Variants in KALRN observed in about 807,000 individuals in gnomAD.
KALRN encodes the protein kalirin RhoGEF kinase, also known as kalirin.
A neutral mutation model predicts 353.7 loss-of-function variants in KALRN; 70 were observed. The ratio of observed to expected loss-of-function variants is 0.20; its 90% CI spans 0.16 to 0.24. The LOEUF (loss-of-function observed/expected upper bound fraction) is 0.24. KALRN is among the 10% of genes least tolerant of loss of function. KALRN has a pLI of 1.00. For synonymous variants in KALRN, 1,391 were observed against 1,434.8 expected (o/e 0.97, Z 0.69); for missense variants, 2,791 against 3,756.7 (o/e 0.74, Z 6.72).
chr3:124,629,761 T>C (rs1278630872), intron 34 of KALRN, among the ~76,000 whole-genome samples: 1 of 151,884 alleles, frequency 6.6e-6, no homozygotes. Context: ...TGTGAATTTA[T>C]CTTTATTTTG....
rs1425209519 is a variant in KALRN, at chr3:124,414,323, G to T, written c.2542+658G>T. Reference sequence around the variant, plus strand: ...ATGGATTGTATACACATGTGTAGTTGTTTCCTCTTCTGCTCCCGATCCCTG... The same window carrying T: ...ATGGATTGTATACACATGTGTAGTTTTTTCCTCTTCTGCTCCCGATCCCTG... On this transcript the variant is annotated intron_variant, in intron 14 of 59. Transcript: ENST00000682506. Among the ~76,000 whole-genome samples, 4 of 152,132 alleles carry T rather than the reference G, an allele frequency of 2.6e-5. No individual in the cohort carries two copies. In the East Asian group the frequency reaches 7.7e-4, roughly 29 times the overall value.
At chr3:124,407,414 T>G (rs904269309) in intron 13 of KALRN, among the ~76,000 whole-genome samples, 16 of 152,144 alleles carry the variant, frequency 1.1e-4, no homozygotes, top group African/African-American at 3.9e-4. Context: ...CTGAGTCATA[T>G]TAGGAGATCC....
chr3:124,163,856 C>T (rs1370502984), intron 1 of KALRN: 1 of 985,336 alleles, frequency 1.0e-6, no homozygotes. Context: ...TTGCTTTCAC[C>T]TCTGCATGAC....
At chr3:124,546,943 A>G (rs2069748845) in intron 33 of KALRN, among the ~76,000 whole-genome samples, 1 of 152,210 alleles carries the variant, frequency 6.6e-6, no homozygotes, top group African/African-American at 2.4e-5. Context: ...ATCCAGAGGC[A>G]GAATACTCAC....
chr3:124,288,419 T>A (rs2076139503), intron 5 of KALRN, among the ~76,000 whole-genome samples: 1 of 152,136 alleles, frequency 6.6e-6, no homozygotes, highest in Non-Finnish European at 1.5e-5. Flanking sequence ...AGGGATGGAA[T>A]GAGCATAATA....
At chr3:124,178,043 C>A (rs1394031353) in intron 1 of KALRN, among the ~76,000 whole-genome samples, 2 of 152,174 alleles carry the variant, frequency 1.3e-5, no homozygotes, top group African/African-American at 2.4e-5. Flanking sequence ...TAGGTCCAAG[C>A]AGTGGCACCC....
At chr3:124,292,128 T>C (rs976687685) in intron 5 of KALRN, among the ~76,000 whole-genome samples, 1 of 152,120 alleles carries the variant, frequency 6.6e-6, no homozygotes, top group African/African-American at 2.4e-5. Context: ...CACAAGAAAA[T>C]GTGTCCTGGG....
At chr3:124,366,884 T>C (rs2084819475) in intron 10 of KALRN, among the ~76,000 whole-genome samples, 1 of 121,414 alleles carries the variant, frequency 8.2e-6, no homozygotes, top group Non-Finnish European at 1.6e-5. Context: ...GGCGGGGGGC[T>C]GACCCCCCCA....
chr3:124,552,210 A>T (rs1369881973), intron 33 of KALRN, among the ~76,000 whole-genome samples: 1 of 152,228 alleles, frequency 6.6e-6, no homozygotes, highest in African/African-American at 2.4e-5. Flanking sequence ...GAATCAAAGC[A>T]TTTAGAATGC....
chr3:124,217,491 C>T (rs1161587825), intron 1 of KALRN, among the ~76,000 whole-genome samples: 1 of 152,092 alleles, frequency 6.6e-6, no homozygotes, highest in Non-Finnish European at 1.5e-5. Flanking sequence ...TGGGTACGTA[C>T]ACAGACCTTT....
intron 34 of KALRN, among the ~76,000 whole-genome samples, chr3:124,618,052 A>C (rs2078817860): frequency 1.4e-5 from 2 of 143,020 alleles, no homozygotes; most frequent in East Asian, 4.4e-4. Flanking sequence ...TCTGAGTGCC[A>C]GTGGGAATGG....
chr3:124,358,367 G>A (rs768222933), intron 10 of KALRN, among the ~76,000 whole-genome samples: 1 of 152,140 alleles, frequency 6.6e-6, no homozygotes, highest in Non-Finnish European at 1.5e-5. Flanking sequence ...CACTCCGTTA[G>A]CTGAAATGGA....
chr3:124,658,816 A>C (rs902988676), intron 42 of KALRN, among the ~76,000 whole-genome samples: 7 of 152,086 alleles, frequency 4.6e-5, no homozygotes, highest in South Asian at 2.1e-4. Flanking sequence ...TTCTTAAGTG[A>C]CCCTGGAGCA....
At chr3:124,114,308 T>C (rs2063263013) in intron 1 of KALRN, among the ~76,000 whole-genome samples, 1 of 152,174 alleles carries the variant, frequency 6.6e-6, no homozygotes, top group Non-Finnish European at 1.5e-5. Context: ...CCATGAGCTC[T>C]TTTTCCCAGG....
chr3:124,228,500 G>C (rs2078823666), intron 2 of KALRN, among the ~76,000 whole-genome samples: 1 of 152,158 alleles, frequency 6.6e-6, no homozygotes, highest in African/African-American at 2.4e-5. Context: ...TAGATGTTTA[G>C]TTTTTGTTTT....
intron 59 of KALRN, among the ~76,000 whole-genome samples, chr3:124,718,272 C>G (rs1341014057): frequency 6.6e-6 from 1 of 151,974 alleles, no homozygotes; most frequent in East Asian, 1.9e-4. Flanking sequence ...AGGCGCCCAC[C>G]ACCATGCCTG....
chr3:124,301,965 T>A (rs1355873795), intron 6 of KALRN, among the ~76,000 whole-genome samples: 2 of 152,244 alleles, frequency 1.3e-5, no homozygotes, highest in Non-Finnish European at 2.9e-5. Flanking sequence ...CAATGGTTCC[T>A]TATGTTTCAG....
rs144567812 is a variant in KALRN at position 124,597,906 on chromosome 3, A to C, written c.5183-34514A>C. On this transcript the variant is annotated intron_variant, in intron 34 of 59. Coordinates refer to ENST00000682506, the MANE Select transcript of KALRN (RefSeq NM_001388419.1). ...TTCCATTCTATCTGTAGTAAATTTT[A>C]TATATCTCTGTAGAGAAGATAGTGA... Among the ~76,000 whole-genome samples the C allele has an allele frequency of 6.9e-3, 1,051 of 152,300 alleles. 13 individuals carry two copies. The highest frequency in any genetic ancestry group is 0.023 in the African/African-American group (950 of 41,546).
intron 34 of KALRN, among the ~76,000 whole-genome samples, chr3:124,591,481 C>T (rs2075768249): frequency 6.6e-6 from 1 of 152,156 alleles, no homozygotes; most frequent in African/African-American, 2.4e-5. Context: ...GTCATTGCAT[C>T]TTTGAACATT....
Sources: allele counts gnomAD v4.1 joint callset (sites outside exome capture counted in the v4.1 genomes callset), GRCh38; gene constraint gnomAD v4.1.1; transcripts MANE v1.5; gene names NCBI Gene and HGNC (gene_info 2026-07-23, HGNC 2026-07-21).